Variants in DYM observed in about 807,000 individuals in gnomAD.
DYM encodes dyggve-Melchior-Clausen syndrome protein.
In DYM, 78 loss-of-function variants were observed where a neutral mutation model predicts 93.1. The ratio of observed to expected loss-of-function variants is 0.84; its 90% CI spans 0.70 to 1.01. The LOEUF (loss-of-function observed/expected upper bound fraction) is 1.01, where lower values mean the gene tolerates loss of function less well. Among genes scored for constraint, DYM ranks in the 50% least tolerant of loss-of-function variants. The pLI is 0.00. For synonymous variants in DYM, 321 were observed against 319.7 expected (o/e 1.00, Z -0.04); for missense variants, 789 against 845.0 (o/e 0.93, Z 0.82).
At chr18:49,266,671 T>G (rs2094575087) in intron 11 of DYM, among the ~76,000 whole-genome samples, 1 of 152,230 alleles carries the variant, frequency 6.6e-6, no homozygotes, top group African/African-American at 2.4e-5. Context: ...TTAATAGTTC[T>G]AATTCTAGTT....
chr18:49,447,564 C>G (rs1393058412), intron 1 of DYM: 1 of 152,310 alleles, frequency 6.6e-6, no homozygotes, highest in Admixed American at 6.5e-5. Flanking sequence ...TCATGGAGGA[C>G]TTAGCTGTCG....
intron 2 of DYM, among the ~76,000 whole-genome samples, chr18:49,423,715 A>T (rs1420778740): frequency 6.6e-6 from 1 of 152,220 alleles, no homozygotes; most frequent in Non-Finnish European, 1.5e-5. Flanking sequence ...TAAAGGGGAT[A>T]TCACTACTGA....
intron 15 of DYM, among the ~76,000 whole-genome samples, chr18:49,124,777 G>A (rs903653402): frequency 2.4e-4 from 37 of 152,146 alleles, no homozygotes; most frequent in African/African-American, 8.2e-4. Context: ...AATATACTGT[G>A]GGAGGTTACA....
Position 49,340,433 on chromosome 18 carries a change from A to G in DYM, c.495-6580T>C, listed in dbSNP as rs964755299. Among the ~76,000 whole-genome samples, 6 of 152,354 alleles carry G rather than the reference A, an allele frequency of 3.9e-5. No individual in the cohort carries two copies. The South Asian group carries it at 1.0e-3, about 26-fold the overall frequency. ...AATAACATTTTGTACCTGAACATAC[A>G]TATGTAGAAGTAAACATATTAAACA... On this transcript the variant is annotated intron_variant, in intron 6 of 17. Coordinates refer to ENST00000675505, the MANE Select transcript of DYM (RefSeq NM_001353214.3).
intron 13 of DYM, among the ~76,000 whole-genome samples, chr18:49,216,397 T>C (rs903720082): frequency 5.3e-5 from 8 of 151,762 alleles, no homozygotes; most frequent in Admixed American, 1.3e-4. Context: ...TTGAAGAGAG[T>C]AGTGGTTCTC....
chr18:49,262,228 T>C (rs2094500891), intron 11 of DYM, among the ~76,000 whole-genome samples: 1 of 152,130 alleles, frequency 6.6e-6, no homozygotes, highest in Non-Finnish European at 1.5e-5. Flanking sequence ...TGTAGATAGA[T>C]GGCAAGCCAA....
chr18:49,391,694 T>G, intron 2 of DYM, 49 bp from the exon 3 acceptor site: 1 of 1,456,616 alleles, frequency 6.9e-7, no homozygotes, highest in South Asian at 1.1e-5. Flanking sequence ...ATACTAAATA[T>G]GTACATGCTA....
At chr18:49,252,216 CAAAAAAAAAAAAAAAAA>C (rs774500057) in intron 13 of DYM, among the ~76,000 whole-genome samples, 1 of 27,230 alleles carries the variant, frequency 3.7e-5, no homozygotes. Flanking sequence ...AGACTTGCCT[CAAAAAAAAAAAAAAAAA>C]AAAAAAAAAG....
At chr18:49,455,203 A>G (rs1453447253) in intron 1 of DYM, among the ~76,000 whole-genome samples, 1 of 152,150 alleles carries the variant, frequency 6.6e-6, no homozygotes, top group Admixed American at 6.5e-5. Context: ...ACCCCTATAC[A>G]CTTACAATCC....
At chr18:49,412,101 CACAG>C (rs1243141669) in intron 2 of DYM, among the ~76,000 whole-genome samples, 2 of 152,058 alleles carry the variant, frequency 1.3e-5, no homozygotes, top group Non-Finnish European at 1.5e-5. Context: ...TCATGTGATT[CACAG>C]ACAATCGTAT....
intron 17 of DYM, among the ~76,000 whole-genome samples, chr18:49,077,147 T>C (rs2077373336): frequency 6.6e-6 from 1 of 152,208 alleles, no homozygotes; most frequent in Admixed American, 6.5e-5. Context: ...CAAGATAAAA[T>C]TTACTAATTT....
At chr18:49,097,117 T>G (rs1179981191) in intron 17 of DYM, 1 of 484,524 alleles carries the variant, frequency 2.1e-6, no homozygotes, top group African/African-American at 1.9e-5. Flanking sequence ...TTGATGATAC[T>G]CTTAAGGCCG....
chr18:49,072,943 T>A (rs2077005731), intron 17 of DYM, among the ~76,000 whole-genome samples: 1 of 152,210 alleles, frequency 6.6e-6, no homozygotes. Flanking sequence ...TAAAATTATT[T>A]CAGAAGAGCA....
At chr18:49,268,297 T>G (rs1404763926) in intron 11 of DYM, among the ~76,000 whole-genome samples, 1 of 151,856 alleles carries the variant, frequency 6.6e-6, no homozygotes, top group Non-Finnish European at 1.5e-5. Context: ...GGGACCAAAA[T>G]AAATCGAGAT....
chr18:49,086,304 G>C (rs954668092), intron 17 of DYM, among the ~76,000 whole-genome samples: 1 of 152,188 alleles, frequency 6.6e-6, no homozygotes, highest in Admixed American at 6.5e-5. Context: ...GCATCACATG[G>C]GGAGGGGGCT....
chr18:49,124,717 A>G (rs942124485), intron 15 of DYM, among the ~76,000 whole-genome samples: 1 of 152,160 alleles, frequency 6.6e-6, no homozygotes, highest in Non-Finnish European at 1.5e-5. Context: ...CAGATTTATA[A>G]ATTAAATGAC....
At chr18:49,272,353 C>T (rs1247627883) in intron 10 of DYM, 50 bp from the exon 11 acceptor site, 1 of 1,200,352 alleles carries the variant, frequency 8.3e-7, no homozygotes, top group African/African-American at 1.5e-5. Context: ...ATTATAAATC[C>T]AAATGTTTTA....
chr18:49,189,305 A>C (rs2090749345), intron 14 of DYM, among the ~76,000 whole-genome samples: 1 of 152,160 alleles, frequency 6.6e-6, no homozygotes, highest in Admixed American at 6.5e-5. Context: ...CTGAATCGAA[A>C]ATTTTTTTAA....
At chr18:49,063,851 A>G (rs2076187732) in intron 17 of DYM, among the ~76,000 whole-genome samples, 1 of 151,906 alleles carries the variant, frequency 6.6e-6, no homozygotes, top group Non-Finnish European at 1.5e-5. Flanking sequence ...CTGGTCTTGA[A>G]CGCCTGGCCT....
Sources: gnomAD v4.1 joint callset for allele counts (sites outside exome capture counted in the v4.1 genomes callset) on GRCh38, gnomAD v4.1.1 for gene constraint, MANE v1.5 for transcripts, NCBI Gene and HGNC (gene_info 2026-07-23, HGNC 2026-07-21) for gene names.